Variants in TNFRSF1B observed in about 807,000 individuals in gnomAD.
TNFRSF1B encodes the protein TNF receptor superfamily member 1B.
TNFRSF1B carries 19 observed loss-of-function variants against 44.6 expected under a neutral mutation model. The ratio of observed to expected loss-of-function variants is 0.43; its 90% CI spans 0.30 to 0.62. TNFRSF1B has a LOEUF of 0.62. Among genes scored for constraint, TNFRSF1B ranks in the 20% least tolerant of loss-of-function variants. The pLI is 0.16. For missense variants in TNFRSF1B, 541 were observed against 619.9 expected (o/e 0.87, Z 1.35); for synonymous variants, 252 against 261.1 (o/e 0.97, Z 0.34).
rs1047982916 is a variant in TNFRSF1B, at chr1:12,171,719, C to T, written c.78+4550C>T. On this transcript the variant is annotated intron_variant, in intron 1 of 9. Transcript: ENST00000376259. This position sits in a 1 kb window ranked among gnomAD's most constrained non-coding sequence, Gnocchi z 4.5. Reference sequence around the variant, plus strand: ...CCGTGAGCTGTAGGATGTTTAGCGACATCCCTGGCCTCTACTTATTGGATG... The same window carrying T: ...CCGTGAGCTGTAGGATGTTTAGCGATATCCCTGGCCTCTACTTATTGGATG... 1.3e-5 allele frequency among the ~76,000 whole-genome samples: 2 copies of T among 152,206 alleles called. No individual in the cohort carries two copies. The highest frequency in any genetic ancestry group is 2.9e-5 in the Non-Finnish European group (2 of 68,048).
intron 1 of TNFRSF1B, among the ~76,000 whole-genome samples, chr1:12,174,154 T>TCTCCTTCTCCTTCTC (rs61272101): frequency 4.7e-4 from 35 of 73,988 alleles, no homozygotes; most frequent in East Asian, 9.1e-4. Context: ...TTCTTCTTCT[T>TCTCCTTCTCCTTCTC]CTTCTTCTTC....
rs1639186400 is a variant in TNFRSF1B, at chr1:12,193,078, G to A, written c.767G>A (p.Gly256Asp). Residue 256 changes from glycine to aspartate, a missense_variant, in exon 6 of 10, where the codon GGC becomes GAC. Transcript: ENST00000376259. ...GPSPPAEGST[G>D]DFALPVGLIV... ...AGCCCCCCAGCTGAAGGGAGCACTGGCGACTTCGCTCTTCCAGTTGGTAAG... is the reference window on the plus strand; with the variant it reads ...AGCCCCCCAGCTGAAGGGAGCACTGACGACTTCGCTCTTCCAGTTGGTAAG... 6.2e-6 allele frequency: 10 copies of A among 1,613,880 alleles called. No individual in the cohort carries two copies. Among genetic ancestry groups the A allele is most frequent in the African/African-American group, 4.0e-5 (3 of 74,922 alleles).
rs1268412559 is a variant in TNFRSF1B at position 12,168,121 on chromosome 1, A to G, written c.78+952A>G. On this transcript the variant is annotated intron_variant, in intron 1 of 9. Coordinates refer to ENST00000376259, the MANE Select transcript of TNFRSF1B (RefSeq NM_001066.3). This position sits in a 1 kb window ranked among gnomAD's most constrained non-coding sequence, Gnocchi z 4.7. The stretch of plus-strand genomic sequence containing the variant: ...TATTTCATGGAAGGGTCTGGGGGGA[A>G]CTCTTCCTCCAAAGGGGGCCTCTCC... Among the ~76,000 whole-genome samples the G allele has an allele frequency of 2.0e-5, 3 of 152,042 alleles. No individual in the cohort carries two copies. The highest frequency in any genetic ancestry group is 3.9e-4 in the East Asian group (2 of 5,194).
At chr1:12,194,090 C>T in intron 7 of TNFRSF1B, 58 bp downstream of exon 7, 2 of 1,420,468 alleles carry the variant, frequency 1.4e-6, no homozygotes, top group African/African-American at 1.4e-5. Context: ...TGTGGGGTGC[C>T]TCCTGTGAGT....
In TNFRSF1B at chr1:12,168,954, G is replaced by A. The variant is rs1638460183; in HGVS notation, c.78+1785G>A. Among the ~76,000 whole-genome samples the A allele has an allele frequency of 6.6e-6, 1 of 151,618 alleles. No individual in the cohort carries two copies. The highest frequency in any genetic ancestry group is 1.5e-5 in the Non-Finnish European group (1 of 68,016). On this transcript the variant is annotated intron_variant, in intron 1 of 9. Transcript: ENST00000376259. This position sits in a 1 kb window ranked among gnomAD's most constrained non-coding sequence, Gnocchi z 4.7. ...GAGTAAGGTACCTGAACTCTTCCTC[G>A]CGCCTCCCTGCACATGTGCTCCCCC...
At position 12,199,106 on chromosome 1, in the gene TNFRSF1B, G is replaced by A. The variant is rs938656572; in HGVS notation, c.901-2861G>A. ...CCACCTGGGGCTGCTTGAACTTTGC[G>A]ACTTGTGGCTTGGGAGGAGGGAGGT... On this transcript the variant is annotated intron_variant, in intron 8 of 9. Coordinates refer to ENST00000376259, the MANE Select transcript of TNFRSF1B (RefSeq NM_001066.3). The surrounding 1 kb of genome is among the most constrained non-coding windows in gnomAD (Gnocchi z 4.0). 6.6e-6 allele frequency among the ~76,000 whole-genome samples: 1 copy of A among 152,174 alleles called. No homozygotes were observed. The highest frequency in any genetic ancestry group is 1.5e-5 in the Non-Finnish European group (1 of 68,028).
At chr1:12,195,931 C>T (rs1176958959) in intron 8 of TNFRSF1B, among the ~76,000 whole-genome samples, 1 of 152,104 alleles carries the variant, frequency 6.6e-6, no homozygotes, top group African/African-American at 2.4e-5. Context: ...TTGCTTGAGT[C>T]TAGGAGTTCA....
At chr1:12,204,221 T>C (rs1218407544) in intron 9 of TNFRSF1B, among the ~76,000 whole-genome samples, 6 of 151,762 alleles carry the variant, frequency 4.0e-5, no homozygotes, top group Non-Finnish European at 7.4e-5. Context: ...CTCCCTCCAC[T>C]GTGGGAACCT....
At chr1:12,193,270 T>C (rs1639191684) in intron 6 of TNFRSF1B, 172 bp downstream of exon 6, 1 of 718,456 alleles carries the variant, frequency 1.4e-6, no homozygotes, top group African/African-American at 1.7e-5. Context: ...GGTGCTATCA[T>C]TCAAAATCCC....
In TNFRSF1B at chr1:12,169,350, T is replaced by C. The variant is rs1381651366; in HGVS notation, c.78+2181T>C. 1.3e-5 allele frequency among the ~76,000 whole-genome samples: 2 copies of C among 152,168 alleles called. No homozygotes were observed. The highest frequency in any genetic ancestry group is 2.9e-5 in the Non-Finnish European group (2 of 68,022). ...ACACCAGGCACTGGGCTAGGTACTTTGTCACAAAATTTCACTGAAACCTCC... is the reference window on the plus strand; with the variant it reads ...ACACCAGGCACTGGGCTAGGTACTTCGTCACAAAATTTCACTGAAACCTCC... On this transcript the variant is annotated intron_variant, in intron 1 of 9. Transcript: ENST00000376259. This position sits in a 1 kb window ranked among gnomAD's most constrained non-coding sequence, Gnocchi z 4.5.
chr1:12,206,952 C>CT lies in TNFRSF1B; in HGVS notation c.1319dup (p.Leu441AlafsTer15). On this transcript the variant is annotated frameshift_variant, in exon 10 of 10. Coordinates refer to ENST00000376259, the MANE Select transcript of TNFRSF1B (RefSeq NM_001066.3). LOFTEE classifies it high-confidence loss of function. Reference sequence around the variant, plus strand: ...GTCACAGCTGGAGACGCCAGAGACCCTGCTGGGGAGCACCGAAGAGAAGCC... The same window carrying CT: ...GTCACAGCTGGAGACGCCAGAGACCCTTGCTGGGGAGCACCGAAGAGAAGCC... 6.2e-7 allele frequency: 1 copy of CT among 1,613,134 alleles called. No homozygotes were observed. The highest frequency in any genetic ancestry group is 2.2e-5 in the East Asian group (1 of 44,828).
chr1:12,186,200 T>C lies in TNFRSF1B; in HGVS notation c.79-2596T>C, dbSNP rs1399792792. ...GAGGGGTGCAGCCAGGGCAGGGTGGTGCTGCCTGCCAGGCTGAGGTGGGAG... is the reference window on the plus strand; with the variant it reads ...GAGGGGTGCAGCCAGGGCAGGGTGGCGCTGCCTGCCAGGCTGAGGTGGGAG... On this transcript the variant is annotated intron_variant, in intron 1 of 9. Coordinates refer to ENST00000376259, the MANE Select transcript of TNFRSF1B (RefSeq NM_001066.3). This position sits in a 1 kb window ranked among gnomAD's most constrained non-coding sequence, Gnocchi z 4.8. Among the ~76,000 whole-genome samples the C allele has an allele frequency of 2.6e-5, 4 of 152,140 alleles. No homozygotes were observed. The highest frequency in any genetic ancestry group is 7.2e-5 in the African/African-American group (3 of 41,426).
At position 12,191,832 on chromosome 1, in the gene TNFRSF1B, C is replaced by G; in HGVS notation, c.366C>G (p.Pro122=). 1.2e-6 allele frequency: 2 copies of G among 1,613,150 alleles called. No individual in the cohort carries two copies. The highest frequency in any genetic ancestry group is 1.7e-6 in the Non-Finnish European group (2 of 1,179,772). ...REQNRICTCR[P]GWYCALSKQE... The stretch of plus-strand genomic sequence containing the variant: ...AGAACCGCATCTGCACCTGCAGGCC[C>G]GGCTGGTACTGCGCGCTGAGCAAGC... Residue 122 remains proline, a synonymous_variant, in exon 4 of 10, where the codon CCC becomes CCG. Coordinates refer to ENST00000376259, the MANE Select transcript of TNFRSF1B (RefSeq NM_001066.3).
In TNFRSF1B at chr1:12,168,555, G is replaced by A. The variant is rs777369539; in HGVS notation, c.78+1386G>A. Among the ~76,000 whole-genome samples the A allele has an allele frequency of 2.6e-5, 4 of 152,146 alleles. No individual in the cohort carries two copies. Among genetic ancestry groups the A allele is most frequent in the Non-Finnish European group, 5.9e-5 (4 of 68,006 alleles). ...TGGCCTCAGAGGGGGTCTTCCTGCC[G>A]CTGAGCTTGGGCCTGCCTGGGTGAA... On this transcript the variant is annotated intron_variant, in intron 1 of 9. Transcript: ENST00000376259. The surrounding 1 kb of genome is among the most constrained non-coding windows in gnomAD (Gnocchi z 4.7).
intron 1 of TNFRSF1B, among the ~76,000 whole-genome samples, chr1:12,179,079 G>T (rs1638730314): frequency 6.6e-6 from 1 of 152,102 alleles, no homozygotes; most frequent in African/African-American, 2.4e-5. Context: ...GTTCCTTGCA[G>T]GCAGGGACCA....
chr1:12,181,987 C>A (rs1638822632), intron 1 of TNFRSF1B, among the ~76,000 whole-genome samples: 2 of 152,176 alleles, frequency 1.3e-5, no homozygotes, highest in South Asian at 2.1e-4. Flanking sequence ...ATTTTACAGG[C>A]AGAGAAACTG....
intron 7 of TNFRSF1B, among the ~76,000 whole-genome samples, 174 bp downstream of exon 7, chr1:12,194,206 C>T (rs1639215332): frequency 2.0e-5 from 3 of 152,068 alleles, no homozygotes; most frequent in African/African-American, 7.2e-5. Flanking sequence ...AACTTAATTA[C>T]TAAAAGGCAA....
chr1:12,168,208 C>T lies in TNFRSF1B; in HGVS notation c.78+1039C>T, dbSNP rs72863459. ...GTGGGCGTTCATCCTTCCTCAGAGC[C>T]GCCCCTGATGGACACATGGCCCATC... On this transcript the variant is annotated intron_variant, in intron 1 of 9. Transcript: ENST00000376259. The surrounding 1 kb of genome is among the most constrained non-coding windows in gnomAD (Gnocchi z 4.7). 6.6e-4 allele frequency among the ~76,000 whole-genome samples: 100 copies of T among 152,334 alleles called. No homozygotes were observed. Among genetic ancestry groups the T allele is most frequent in the African/African-American group, 2.2e-3 (92 of 41,568 alleles).
rs1007572230 is a variant in TNFRSF1B, at chr1:12,187,073, G to A, written c.79-1723G>A. 2.0e-5 allele frequency among the ~76,000 whole-genome samples: 3 copies of A among 152,122 alleles called. No individual in the cohort carries two copies. The highest frequency in any genetic ancestry group is 2.9e-5 in the Non-Finnish European group (2 of 68,026). On this transcript the variant is annotated intron_variant, in intron 1 of 9. Coordinates refer to ENST00000376259, the MANE Select transcript of TNFRSF1B (RefSeq NM_001066.3). The surrounding 1 kb of genome is among the most constrained non-coding windows in gnomAD (Gnocchi z 5.5). ...CTCCTGGAGGGTCACTCAGAGACCC[G>A]AGAGAGGAGGGCTCTGCGTCTGCTC...
Sources: allele counts gnomAD v4.1 joint callset (sites outside exome capture counted in the v4.1 genomes callset), GRCh38; gene constraint gnomAD v4.1.1; non-coding constraint Gnocchi (gnomAD v3.1); transcripts MANE v1.5; gene names NCBI Gene and HGNC (gene_info 2026-07-23, HGNC 2026-07-21).